ABCE1: variants seen among roughly 807,000 people sequenced by gnomAD.
The protein encoded by ABCE1 is ATP-binding cassette sub-family E member 1.
In ABCE1, 22 loss-of-function variants were observed where a neutral mutation model predicts 83.4. That is an observed-to-expected ratio of 0.26 (90% CI 0.19 to 0.38). The LOEUF (loss-of-function observed/expected upper bound fraction) is 0.38. Among genes scored for constraint, ABCE1 ranks in the 10% least tolerant of loss-of-function variants. ABCE1 has a pLI of 1.00. For synonymous variants in ABCE1, 204 were observed against 233.7 expected (o/e 0.87, Z 1.16); for missense variants, 330 against 721.9 (o/e 0.46, Z 6.22).
chr4:145,101,932 TA>T (rs1199405775), intron 1 of ABCE1, among the ~76,000 whole-genome samples: 4 of 152,124 alleles, frequency 2.6e-5, no homozygotes, highest in African/African-American at 9.7e-5. Flanking sequence ...AAATGGAATT[TA>T]AACCTGTGAG....
At chr4:145,120,653 A>C (rs1352636119) in intron 11 of ABCE1, among the ~76,000 whole-genome samples, 1 of 152,056 alleles carries the variant, frequency 6.6e-6, no homozygotes, top group Non-Finnish European at 1.5e-5. Flanking sequence ...TAAATATGTG[A>C]TATTGCCTTC....
intron 17 of ABCE1, among the ~76,000 whole-genome samples, chr4:145,126,763 G>A (rs753384720): frequency 3.9e-5 from 6 of 152,082 alleles, no homozygotes; most frequent in Non-Finnish European, 8.8e-5. Context: ...ATGAGCTCTT[G>A]GAATGCCAGA....
intron 9 of ABCE1, among the ~76,000 whole-genome samples, chr4:145,116,913 C>A (rs142642727): frequency 1.3e-5 from 2 of 152,018 alleles, no homozygotes; most frequent in East Asian, 3.9e-4. Context: ...CGTCCATCCC[C>A]TACTACAGCT....
At chr4:145,109,494 C>T (rs745983335) in intron 5 of ABCE1, among the ~76,000 whole-genome samples, 41 of 152,140 alleles carry the variant, frequency 2.7e-4, no homozygotes, top group African/African-American at 3.6e-4. Flanking sequence ...TGCTGTATTA[C>T]ACACGTTTCT....
chr4:145,123,607 T>C lies in ABCE1; in HGVS notation c.1640+7T>C, dbSNP rs779194733. 1.4e-5 allele frequency: 23 copies of C among 1,590,612 alleles called. No individual in the cohort carries two copies. The highest frequency in any genetic ancestry group is 8.9e-5 in the South Asian group (8 of 90,098). On this transcript the variant is annotated splice_region_variant and intron_variant, in intron 16 of 17. Transcript: ENST00000296577. Reference sequence around the variant, plus strand: ...AGAACACAGTTGCAAACAGGTAAAATTACTTTTTAATATGTTCAAAGTAAT... The same window carrying C: ...AGAACACAGTTGCAAACAGGTAAAACTACTTTTTAATATGTTCAAAGTAAT...
chr4:145,123,108 A>G lies in ABCE1; in HGVS notation c.1351A>G (p.Ile451Val). Residue 451 changes from isoleucine (I) to valine (V), a missense_variant, in exon 14 of 18, where the codon ATT (isoleucine) becomes GTT (valine). Coordinates refer to ENST00000296577, the MANE Select transcript of ABCE1 (RefSeq NM_002940.3). ...FVTDVMKPLQIENIIDQEVQT... is the reference protein window; with the variant it reads ...FVTDVMKPLQVENIIDQEVQT... Reference sequence around the variant, plus strand: ...GACCGATGTAATGAAGCCTCTGCAAATTGAAAACATCATTGATCAAGAGGT... The same window carrying G: ...GACCGATGTAATGAAGCCTCTGCAAGTTGAAAACATCATTGATCAAGAGGT... The G allele has an allele frequency of 6.2e-7, 1 of 1,603,038 alleles. No homozygotes were observed. Among genetic ancestry groups the G allele is most frequent in the Non-Finnish European group, 8.5e-7 (1 of 1,176,724 alleles).
Position 145,118,282 on chromosome 4 carries a change from CTT to C in ABCE1, c.922+873_922+874del, listed in dbSNP as rs36114072. 8.2e-3 allele frequency among the ~76,000 whole-genome samples: 1,195 copies of C among 145,036 alleles called. 20 individuals are homozygous for C. Among genetic ancestry groups the C allele is most frequent in the African/African-American group, 0.028 (1,126 of 39,602 alleles). ...TTTTTTTTTTTAATCTTGGAGGAAT[CTT>C]TTTTATACCTAAAAGCTCTTTTGGA... is the stretch of plus-strand genomic sequence containing the variant. On this transcript the variant is annotated intron_variant, in intron 10 of 17. Coordinates refer to ENST00000296577, the MANE Select transcript of ABCE1 (RefSeq NM_002940.3).
At chr4:145,116,041 A>G (rs1200477219) in intron 9 of ABCE1, among the ~76,000 whole-genome samples, 3 of 151,908 alleles carry the variant, frequency 2.0e-5, no homozygotes, top group Non-Finnish European at 4.4e-5. Context: ...TTCCCATAGC[A>G]AGTTGGATTT....
At chr4:145,117,485 A>G in intron 10 of ABCE1, 71 bp downstream of exon 10, 1 of 1,448,284 alleles carries the variant, frequency 6.9e-7, no homozygotes, top group Non-Finnish European at 9.4e-7. Flanking sequence ...TACATTATTG[A>G]TATTAAGTAG....
At chr4:145,126,608 TA>T (rs1474469249) in intron 17 of ABCE1, among the ~76,000 whole-genome samples, 1 of 152,228 alleles carries the variant, frequency 6.6e-6, no homozygotes, top group East Asian at 1.9e-4. Context: ...TTTCTGTTTT[TA>T]ATATCTGCAG....
intron 16 of ABCE1, 160 bp downstream of exon 16, chr4:145,123,760 T>C (rs528427524): frequency 2.4e-4 from 151 of 626,086 alleles, no homozygotes; most frequent in African/African-American, 2.2e-3. Context: ...TGGGACCATG[T>C]GGAAGAGTAG....
Position 145,110,199 on chromosome 4 carries a change from A to G in ABCE1, c.502A>G (p.Ile168Val). Reference protein sequence around the residue: ...KILEDDLKAIIKPQYVDQIPK... With the variant: ...KILEDDLKAIVKPQYVDQIPK... ...TCTAGAAGATGACCTAAAAGCCATC[A>G]TCAAACCTCAATATGTAGACCAGAT... Residue 168 changes from isoleucine (I) to valine (V), a missense_variant, in exon 6 of 18, where the codon ATC becomes GTC. Coordinates refer to ENST00000296577, the MANE Select transcript of ABCE1 (RefSeq NM_002940.3). 1 of 1,607,714 alleles carries G rather than the reference A, an allele frequency of 6.2e-7. No individual in the cohort carries two copies.
chr4:145,109,914 T>C (rs1456300732), intron 5 of ABCE1, among the ~76,000 whole-genome samples, 189 bp from the exon 6 acceptor site: 2 of 152,178 alleles, frequency 1.3e-5, no homozygotes, highest in African/African-American at 4.8e-5. Flanking sequence ...AATAACATAA[T>C]ATCTGTTCTG....
chr4:145,125,443 G>A (rs895998777), intron 17 of ABCE1, among the ~76,000 whole-genome samples: 7 of 152,006 alleles, frequency 4.6e-5, no homozygotes, highest in East Asian at 1.9e-4. Flanking sequence ...ACTCCAGCCT[G>A]GGCAAAAGAG....
At chr4:145,106,529 T>C (rs1749308922) in intron 3 of ABCE1, among the ~76,000 whole-genome samples, 1 of 152,056 alleles carries the variant, frequency 6.6e-6, no homozygotes, top group Non-Finnish European at 1.5e-5. Context: ...ATCTATTCTG[T>C]TTTCTCTCTT....
intron 1 of ABCE1, among the ~76,000 whole-genome samples, chr4:145,100,906 C>G (rs1749133169): frequency 1.3e-5 from 2 of 152,042 alleles, no homozygotes; most frequent in South Asian, 4.1e-4. Context: ...CTCCTGTGTG[C>G]TAGGCACAGG....
At chr4:145,110,027 A>AT in intron 5 of ABCE1, 76 bp from the exon 6 acceptor site, 1 of 1,300,124 alleles carries the variant, frequency 7.7e-7, no homozygotes, top group Non-Finnish European at 1.0e-6. Flanking sequence ...TATATAATCT[A>AT]TTTCCTGTAG....
At chr4:145,107,169 G>GT (rs771150661) in intron 3 of ABCE1, among the ~76,000 whole-genome samples, 4 of 151,882 alleles carry the variant, frequency 2.6e-5, no homozygotes, top group African/African-American at 7.3e-5. Flanking sequence ...GTTTTATTTT[G>GT]TTTTTTAATG....
Position 145,124,353 on chromosome 4 carries a change from C to CT in ABCE1, c.1641-625dup, listed in dbSNP as rs759098353. On this transcript the variant is annotated intron_variant, in intron 16 of 17. Coordinates refer to ENST00000296577, the MANE Select transcript of ABCE1 (RefSeq NM_002940.3). The stretch of plus-strand genomic sequence containing the variant: ...TTTGCTGGGCTTCTTCCCTGAATTC[C>CT]TTTTTTTTTTTTATAAATTGAGAAT... 2.4e-3 allele frequency among the ~76,000 whole-genome samples: 341 copies of CT among 143,632 alleles called. 4 individuals carry two copies. Among genetic ancestry groups the CT allele is most frequent in the East Asian group, 0.01 (52 of 4,970 alleles). The allele number at this position is 143,632 out of a possible 152,430, so 94.2% of individuals were successfully genotyped here. A position where few individuals can be genotyped will look rare whatever the true frequency, so the allele number is the denominator to read the frequency against.
Sources: allele counts gnomAD v4.1 joint callset (sites outside exome capture counted in the v4.1 genomes callset), GRCh38; gene constraint gnomAD v4.1.1; transcripts MANE v1.5; gene names NCBI Gene and HGNC (gene_info 2026-07-23, HGNC 2026-07-21).